PKNOX2: variants seen among roughly 807,000 people sequenced by gnomAD.
PKNOX2 encodes the protein homeobox protein PKNOX2.
In PKNOX2, 14 loss-of-function variants were observed where a neutral mutation model predicts 53.1. The ratio of observed to expected loss-of-function variants is 0.26; its 90% confidence interval spans 0.17 to 0.41. The LOEUF is 0.41. Ranked by LOEUF, PKNOX2 falls within the 10% of genes least tolerant of loss-of-function variation. The pLI, the probability that PKNOX2 is intolerant of heterozygous loss-of-function variation, is 1.00. For missense variants in PKNOX2, 496 were observed against 602.8 expected, an observed-to-expected ratio of 0.82 and a Z score of 1.85; for synonymous variants, 257 against 242.8, an observed-to-expected ratio of 1.06 and a Z score of -0.54.
rs1016754830 is a variant in PKNOX2 at position 125,385,463 on chromosome 11, G to A, written c.228-88G>A. 1.5e-5 allele frequency: 21 copies of A among 1,421,560 alleles called. No individual in the cohort carries two copies. In the Admixed American group the frequency reaches 2.9e-4, roughly 20 times the overall value. The allele number at this position is 1,421,560 out of a possible 1,614,324, so 88.1% of individuals were successfully genotyped here. ...GGACCTTGGGAGAAGTGAGGGGAACGTGGGCAGGGGAGCCTGGTGGCTTCT... is the reference window on the plus strand; with the variant it reads ...GGACCTTGGGAGAAGTGAGGGGAACATGGGCAGGGGAGCCTGGTGGCTTCT... On this transcript the variant is annotated intron_variant, in intron 5 of 12. Coordinates refer to ENST00000298282, the MANE Select transcript of PKNOX2 (RefSeq NM_001382323.2).
chr11:125,221,741 G>A (rs771802551), intron 1 of PKNOX2, among the ~76,000 whole-genome samples: 18 of 151,994 alleles, frequency 1.2e-4, no homozygotes, highest in Non-Finnish European at 1.9e-4. Context: ...TGTTTCAGTA[G>A]GTTTTTTTTT....
intron 2 of PKNOX2, among the ~76,000 whole-genome samples, chr11:125,307,652 C>T (rs751534104): frequency 6.6e-6 from 1 of 152,192 alleles, no homozygotes; most frequent in Non-Finnish European, 1.5e-5. Context: ...TTCGATATGT[C>T]CCTTAGGGAT....
At chr11:125,376,026 C>G (rs1339956648) in intron 5 of PKNOX2, among the ~76,000 whole-genome samples, 1 of 152,178 alleles carries the variant, frequency 6.6e-6, no homozygotes, top group African/African-American at 2.4e-5. Flanking sequence ...TATTTTTGCC[C>G]TCGCAGAGCA....
At chr11:125,220,218 C>T (rs1219246642) in intron 1 of PKNOX2, among the ~76,000 whole-genome samples, 1 of 152,044 alleles carries the variant, frequency 6.6e-6, no homozygotes, top group Non-Finnish European at 1.5e-5. Flanking sequence ...AGGTGGGAGA[C>T]AGGAATGGGA....
At chr11:125,228,467 T>C (rs1232216575) in intron 1 of PKNOX2, among the ~76,000 whole-genome samples, 1 of 152,144 alleles carries the variant, frequency 6.6e-6, no homozygotes, top group South Asian at 2.1e-4. Flanking sequence ...GTCTTAGGTG[T>C]CTTGCTTTCT....
chr11:125,274,476 C>A (rs994654478), intron 2 of PKNOX2, among the ~76,000 whole-genome samples: 2 of 152,230 alleles, frequency 1.3e-5, no homozygotes, highest in Non-Finnish European at 2.9e-5. Flanking sequence ...CAGCTCATAT[C>A]AGACAGCAAC....
intron 4 of PKNOX2, among the ~76,000 whole-genome samples, chr11:125,367,460 T>TA (rs1952248668): frequency 6.6e-6 from 1 of 152,236 alleles, no homozygotes; most frequent in South Asian, 2.1e-4. Flanking sequence ...CCTGTTTTCC[T>TA]GCTTTTCAAA....
At position 125,325,013 on chromosome 11, in the gene PKNOX2, G is replaced by A. The variant is rs542880047; in HGVS notation, c.-129-6806G>A. Among the ~76,000 whole-genome samples the A allele has an allele frequency of 5.3e-5, 8 of 152,298 alleles. No individual in the cohort carries two copies. The South Asian group carries it at 1.7e-3, about 32-fold the overall frequency. On this transcript the variant is annotated intron_variant, in intron 2 of 12. Coordinates refer to ENST00000298282, the MANE Select transcript of PKNOX2 (RefSeq NM_001382323.2). ...TGTTCAATGTCAAAGTCTTCTGATG[G>A]GGCTGAAGGTTCCCCAAATAAGAAA...
chr11:125,313,221 C>A (rs1426151), intron 2 of PKNOX2, among the ~76,000 whole-genome samples: 46,224 of 151,654 alleles, frequency 0.3, 9,412 homozygotes, highest in African/African-American at 0.57. Flanking sequence ...TGGCAGTGCC[C>A]CTCATCCAAA....
intron 10 of PKNOX2, among the ~76,000 whole-genome samples, chr11:125,425,598 G>A (rs975028196): frequency 1.0e-4 from 13 of 129,298 alleles, no homozygotes; most frequent in Non-Finnish European, 2.0e-4. Context: ...ATGGTTTGCC[G>A]TGATCCAATA....
chr11:125,260,744 G>A, intron 2 of PKNOX2, among the ~76,000 whole-genome samples: 1 of 152,060 alleles, frequency 6.6e-6, no homozygotes, highest in Non-Finnish European at 1.5e-5. Context: ...ACCTCTCCAT[G>A]CACACACACG....
chr11:125,345,442 A>G (rs1270862498), intron 3 of PKNOX2, among the ~76,000 whole-genome samples: 1 of 151,576 alleles, frequency 6.6e-6, no homozygotes, highest in African/African-American at 2.4e-5. Flanking sequence ...CCCATCCACC[A>G]AGCCTCAGGG....
chr11:125,254,641 G>A (rs144038241), intron 2 of PKNOX2, among the ~76,000 whole-genome samples: 10 of 152,300 alleles, frequency 6.6e-5, no homozygotes, highest in Admixed American at 5.2e-4. Flanking sequence ...GATCACAACC[G>A]CATTGTGACA....
intron 1 of PKNOX2, chr11:125,184,499 G>A (rs779903287): frequency 6.6e-6 from 1 of 152,234 alleles, no homozygotes; most frequent in Non-Finnish European, 1.5e-5. Context: ...GATAGAGAGA[G>A]GGGAGCCATA....
At chr11:125,180,616 G>T (rs187425052) in intron 1 of PKNOX2, among the ~76,000 whole-genome samples, 45 of 152,212 alleles carry the variant, frequency 3.0e-4, no homozygotes, top group Non-Finnish European at 5.6e-4. Flanking sequence ...GAGAACCAAA[G>T]CCTCTGGGAT....
intron 1 of PKNOX2, 74 bp from the exon 2 acceptor site, chr11:125,234,971 C>G (rs1011071963): frequency 1.3e-5 from 2 of 152,680 alleles, no homozygotes; most frequent in Non-Finnish European, 2.9e-5. Flanking sequence ...TCTGGGTTTA[C>G]CCCCTTCCCC....
At chr11:125,387,633 C>A (rs548258522) in intron 6 of PKNOX2, among the ~76,000 whole-genome samples, 1 of 152,338 alleles carries the variant, frequency 6.6e-6, no homozygotes, top group East Asian at 1.9e-4. Context: ...CCAGGCCTGA[C>A]CCAGGGATGT....
chr11:125,343,913 G>C (rs1700913598), intron 3 of PKNOX2, among the ~76,000 whole-genome samples: 1 of 152,100 alleles, frequency 6.6e-6, no homozygotes, highest in South Asian at 2.1e-4. Context: ...TCTGGCTTCT[G>C]TGTGAGTCAG....
chr11:125,339,788 T>C (rs1950592608), intron 3 of PKNOX2, among the ~76,000 whole-genome samples: 1 of 152,234 alleles, frequency 6.6e-6, no homozygotes, highest in Non-Finnish European at 1.5e-5. Flanking sequence ...GGAGCTCTGC[T>C]CCCAGACAGC....
Sources: gnomAD v4.1 joint callset for allele counts (sites outside exome capture counted in the v4.1 genomes callset) on GRCh38, gnomAD v4.1.1 for gene constraint, MANE v1.5 for transcripts, NCBI Gene and HGNC (gene_info 2026-07-23, HGNC 2026-07-21) for gene names.